PPP2R5B: variants seen among roughly 807,000 people sequenced by gnomAD.
PPP2R5B encodes the protein serine/threonine-protein phosphatase 2A 56 kDa regulatory subunit beta isoform.
Under a neutral mutation model 59.9 loss-of-function variants are expected in PPP2R5B, and 19 were observed. The ratio of observed to expected loss-of-function variants is 0.32; its 90% CI spans 0.22 to 0.47. The LOEUF is 0.47. Ranked by LOEUF, PPP2R5B falls within the 20% of genes least tolerant of loss-of-function variation. The pLI, the probability that PPP2R5B is intolerant of heterozygous loss-of-function variation, is 1.00. For missense variants in PPP2R5B, 441 were observed against 640.2 expected, an observed-to-expected ratio of 0.69 and a Z score of 3.36; for synonymous variants, 286 against 260.5, an observed-to-expected ratio of 1.10 and a Z score of -0.94.
chr11:64,933,619 T>C lies in PPP2R5B; in HGVS notation c.1347-78T>C, dbSNP rs947644706. 1.9e-5 allele frequency: 27 copies of C among 1,459,234 alleles called. No homozygotes were observed. The African/African-American group carries it at 3.7e-4, about 20-fold the overall frequency. 90.4% of individuals were successfully genotyped at this position (1,459,234 alleles called of 1,614,324 possible). A position where few individuals can be genotyped will look rare whatever the true frequency, so the allele number is the denominator to read the frequency against. ...CTTCCCTTTGCCGGTGGGGTGGTAG[T>C]GAGGGAGTCTGGACTGTGAGGGAGT... On this transcript the variant is annotated intron_variant, in intron 13 of 13. Transcript: ENST00000164133.
chr11:64,928,245 G>T, intron 5 of PPP2R5B, 50 bp from the exon 6 acceptor site: 1 of 1,612,450 alleles, frequency 6.2e-7, no homozygotes, highest in South Asian at 1.1e-5. Flanking sequence ...GCAACCTGGG[G>T]TGGACCTTTC....
chr11:64,930,283 C>T (rs756504513), intron 6 of PPP2R5B, 39 bp from the exon 7 acceptor site: 1 of 1,611,122 alleles, frequency 6.2e-7, no homozygotes, highest in Non-Finnish European at 8.5e-7. Flanking sequence ...CTGGGCCTAC[C>T]CTGCTTGCTT....
upstream of PPP2R5B, among the ~76,000 whole-genome samples, chr11:64,920,307 T>C (rs1945098204): frequency 6.6e-6 from 1 of 152,222 alleles, no homozygotes; most frequent in Non-Finnish European, 1.5e-5. Context: ...CTGTTGTAAC[T>C]GAACTGGTGG....
intron 3 of PPP2R5B, among the ~76,000 whole-genome samples, chr11:64,927,175 G>A (rs570607772): frequency 2.0e-5 from 3 of 152,274 alleles, no homozygotes; most frequent in East Asian, 1.9e-4. Context: ...CTCAGGTGCC[G>A]CCTCTGCCAA....
chr11:64,922,481 C>G (rs1321974990), upstream of PPP2R5B, among the ~76,000 whole-genome samples: 1 of 151,868 alleles, frequency 6.6e-6, no homozygotes, highest in Non-Finnish European at 1.5e-5. Context: ...GAGTGAGACT[C>G]TGTCTCAAAA....
At chr11:64,919,603 T>C (rs1590672085) in intron 1 of PPP2R5B, among the ~76,000 whole-genome samples, 5 of 151,824 alleles carry the variant, frequency 3.3e-5, no homozygotes, top group Admixed American at 3.3e-4. Flanking sequence ...TTCAAAAAAT[T>C]AGCCGGGCGT....
chr11:64,921,414 C>CG (rs572467759), upstream of PPP2R5B, among the ~76,000 whole-genome samples: 5 of 152,054 alleles, frequency 3.3e-5, no homozygotes, highest in African/African-American at 1.2e-4. Flanking sequence ...TTGCCCAGGC[C>CG]GGGGGGCATC....
chr11:64,927,446 G>A (rs1283368203), intron 3 of PPP2R5B, among the ~76,000 whole-genome samples: 1 of 152,196 alleles, frequency 6.6e-6, no homozygotes, highest in Non-Finnish European at 1.5e-5. Flanking sequence ...GGGAGCAGCA[G>A]CTCTCATCTG....
intron 13 of PPP2R5B, 58 bp from the exon 14 acceptor site, chr11:64,933,639 G>T: frequency 6.6e-7 from 1 of 1,504,060 alleles, no homozygotes; most frequent in South Asian, 1.3e-5. Flanking sequence ...TGGACTGTGA[G>T]GGAGTCTGGA....
rs962758997 is a variant in PPP2R5B at position 64,928,140 on chromosome 11, T to A, written c.573T>A (p.Asp191Glu). 3 of 1,614,040 alleles carry A rather than the reference T, an allele frequency of 1.9e-6. No homozygotes were observed. The highest frequency in any genetic ancestry group is 2.5e-6 in the Non-Finnish European group (3 of 1,180,030). Residue 191 changes from aspartate to glutamate, a missense_variant, in exon 5 of 14, where the codon GAT becomes GAA. By Grantham distance (45) the Asp-to-Glu change is conservative (BLOSUM62 2). Transcript: ENST00000164133. ...FQPSVAKRYVDQKFVLMLLEL... is the reference protein window; with the variant it reads ...FQPSVAKRYVEQKFVLMLLEL... ...CCTCCGTGGCCAAGAGATATGTGGA[T>A]CAAAAGTTTGTCCTGATGGTGAAGT...
Position 64,933,892 on chromosome 11 carries a change from C to G in PPP2R5B, c.*48C>G. ...GCTAAACCCAGAGCTGTCAGTCCCTCTATCCCTTCTCCTGTCCAGGGGCCC... is the reference window on the plus strand; with the variant it reads ...GCTAAACCCAGAGCTGTCAGTCCCTGTATCCCTTCTCCTGTCCAGGGGCCC... On this transcript the variant is annotated 3_prime_UTR_variant, in exon 14 of 14. Coordinates refer to ENST00000164133, the MANE Select transcript of PPP2R5B (RefSeq NM_006244.4). 1.4e-6 allele frequency: 2 copies of G among 1,460,622 alleles called. No homozygotes were observed. Among genetic ancestry groups the G allele is most frequent in the South Asian group, 2.9e-5 (2 of 68,898 alleles). 90.5% of individuals were successfully genotyped at this position (1,460,622 alleles called of 1,614,324 possible).
chr11:64,922,593 A>T, upstream of PPP2R5B, among the ~76,000 whole-genome samples: 1 of 151,552 alleles, frequency 6.6e-6, no homozygotes, highest in Non-Finnish European at 1.5e-5. Flanking sequence ...CTTTTTTTTC[A>T]GCCGGGCACA....
Position 64,931,364 on chromosome 11 carries a change from T to C in PPP2R5B, c.892-72T>C, listed in dbSNP as rs1307121987. 8.5e-6 allele frequency: 13 copies of C among 1,531,424 alleles called. No homozygotes were observed. Among genetic ancestry groups the C allele is most frequent in the African/African-American group, 1.4e-5 (1 of 72,808 alleles). The allele number at this position is 1,531,424 out of a possible 1,614,324, so 94.9% of individuals were successfully genotyped here. On this transcript the variant is annotated intron_variant, in intron 8 of 13. Coordinates refer to ENST00000164133, the MANE Select transcript of PPP2R5B (RefSeq NM_006244.4). This position sits in a 1 kb window ranked among gnomAD's most constrained non-coding sequence, Gnocchi z 5.0. ...GTGAGCAGTATTTGGCATTCTGTCC[T>C]GGACAGCAAGTCCTTGGCGCCTGGT...
upstream of PPP2R5B, among the ~76,000 whole-genome samples, chr11:64,922,498 C>CA (rs1376633586): frequency 3.7e-4 from 55 of 148,570 alleles, no homozygotes; most frequent in Non-Finnish European, 4.6e-4. Context: ...AAAAAACAAA[C>CA]AAACAAAAAA....
At chr11:64,918,667 T>TCTTG in intron 1 of PPP2R5B, among the ~76,000 whole-genome samples, 1 of 151,378 alleles carries the variant, frequency 6.6e-6, no homozygotes, top group South Asian at 2.1e-4. Context: ...TGAGACAGAG[T>TCTTG]CTTGCTCTGT....
chr11:64,920,048 G>C (rs57659658), upstream of PPP2R5B, among the ~76,000 whole-genome samples: 1 of 152,236 alleles, frequency 6.6e-6, no homozygotes, highest in East Asian at 1.9e-4. Context: ...GGGGGGCAGA[G>C]GTTGCCGTGA....
At chr11:64,924,669 C>CG (rs1945139367), upstream of PPP2R5B, 1 of 152,258 alleles carries the variant, frequency 6.6e-6, no homozygotes, top group South Asian at 2.1e-4. Flanking sequence ...AGGTGCGGGC[C>CG]GGGTGGGGGG....
rs1183898979 is a variant in PPP2R5B at position 64,926,927 on chromosome 11, G to A, written c.396+19G>A. 24 of 1,609,446 alleles carry A rather than the reference G, an allele frequency of 1.5e-5. No homozygotes were observed. Among genetic ancestry groups the A allele is most frequent in the Non-Finnish European group, 2.0e-5 (24 of 1,177,580 alleles). On this transcript the variant is annotated intron_variant, in intron 3 of 13. Coordinates refer to ENST00000164133, the MANE Select transcript of PPP2R5B (RefSeq NM_006244.4). Reference sequence around the variant, plus strand: ...CCGCATGGTGAGCACCTGCCACCCAGGCTCCGAGGGCCGGCCGAGAGGGCG... The same window carrying A: ...CCGCATGGTGAGCACCTGCCACCCAAGCTCCGAGGGCCGGCCGAGAGGGCG...
Position 64,933,152 on chromosome 11 carries a change from G to A in PPP2R5B, c.1252G>A (p.Val418Ile), listed in dbSNP as rs762655633. 6.8e-6 allele frequency: 11 copies of A among 1,611,042 alleles called. No homozygotes were observed. Among genetic ancestry groups the A allele is most frequent in the African/African-American group, 2.7e-5 (2 of 74,968 alleles). ...CTCCTTGACACTGCCAAGAACCATC[G>A]TATCACTGATCTACAATGTGCTCAA... is the stretch of plus-strand genomic sequence containing the variant. The part of the protein sequence containing the change: ...VSKEHWNQTI[V>I]SLIYNVLKTF... The change falls in exon 13 of 14, where the codon GTA becomes ATA. Residue 418 changes from valine to isoleucine, a missense_variant. Transcript: ENST00000164133.
Sources: gnomAD v4.1 joint callset for allele counts (sites outside exome capture counted in the v4.1 genomes callset) on GRCh38, gnomAD v4.1.1 for gene constraint, Gnocchi (gnomAD v3.1) non-coding constraint, MANE v1.5 for transcripts, NCBI Gene and HGNC (gene_info 2026-07-23, HGNC 2026-07-21) for gene names.